Variants in PCDH15 observed in about 807,000 individuals in gnomAD.
PCDH15 encodes the protein protocadherin-15.
In PCDH15, 129 loss-of-function variants were observed where a neutral mutation model predicts 178.5. The observed-to-expected ratio is 0.72, with a 90% CI of 0.63 to 0.84. PCDH15 has a LOEUF of 0.84. Ranked by LOEUF, PCDH15 falls within the 40% of genes least tolerant of loss-of-function variation. The pLI, the probability that PCDH15 is intolerant of heterozygous loss-of-function variation, is 0.00. For synonymous variants in PCDH15, 800 were observed against 732.0 expected, an observed-to-expected ratio of 1.09 and a Z score of -1.50; for missense variants, 2,230 against 2,099.9, an observed-to-expected ratio of 1.06 and a Z score of -1.21.
intron 2 of PCDH15, among the ~76,000 whole-genome samples, chr10:54,574,122 A>T (rs1292466915): frequency 6.6e-5 from 10 of 151,556 alleles, no homozygotes; most frequent in Non-Finnish European, 1.3e-4. Flanking sequence ...CTGAATGGTA[A>T]TGCCTAGGTT....
chr10:55,573,733 T>A (rs974829928), intron 2 of PCDH15, among the ~76,000 whole-genome samples: 1 of 152,026 alleles, frequency 6.6e-6, no homozygotes, highest in African/African-American at 2.4e-5. Context: ...AAGGTATGCT[T>A]ACTGTTTTGA....
upstream of PCDH15, among the ~76,000 whole-genome samples, chr10:55,323,149 G>C (rs1843948489): frequency 6.6e-6 from 1 of 152,176 alleles, no homozygotes; most frequent in African/African-American, 2.4e-5. Context: ...TGCAGGTGCA[G>C]AGAAATCAAA....
At chr10:54,683,073 A>G (rs2094927888) in intron 1 of PCDH15, among the ~76,000 whole-genome samples, 1 of 152,168 alleles carries the variant, frequency 6.6e-6, no homozygotes, top group South Asian at 2.1e-4. Flanking sequence ...TTGAGGAACA[A>G]AATTCTGAGA....
intron 2 of PCDH15, among the ~76,000 whole-genome samples, chr10:54,912,160 G>A (rs1407426247): frequency 6.6e-6 from 1 of 151,726 alleles, no homozygotes; most frequent in African/African-American, 2.4e-5. Context: ...GACAAATTTT[G>A]AATATTTTCA....
At chr10:54,408,445 TATA>T (rs1263298488) in intron 3 of PCDH15, among the ~76,000 whole-genome samples, 4 of 152,074 alleles carry the variant, frequency 2.6e-5, no homozygotes, top group African/African-American at 7.2e-5. Context: ...ATAATTTGCC[TATA>T]ATATTTATCA....
rs867442574 is a variant in PCDH15 at position 55,567,734 on chromosome 10, A to G, written c.-156+59891T>C. On this transcript the variant is annotated intron_variant, in intron 2 of 5. Transcript: ENST00000613346. ...TAGGAAAATGCAAATAAAAACTACA[A>G]TGAGATTATTTTGTAGTTCATAAGC... is the stretch of plus-strand genomic sequence containing the variant. 4.1e-4 allele frequency among the ~76,000 whole-genome samples: 62 copies of G among 152,074 alleles called. 1 individual carries two copies. The highest frequency in any genetic ancestry group is 2.1e-4 in the Non-Finnish European group (14 of 67,964).
chr10:54,214,184 T>A, intron 9 of PCDH15, 136 bp from the exon 10 acceptor site: 2 of 609,118 alleles, frequency 3.3e-6, no homozygotes, highest in Non-Finnish European at 6.1e-6. Context: ...ATTATGCAGT[T>A]CAGGGAAAGC....
chr10:53,982,048 A>G (rs533917455), intron 21 of PCDH15, among the ~76,000 whole-genome samples: 1 of 152,354 alleles, frequency 6.6e-6, no homozygotes, highest in South Asian at 2.1e-4. Context: ...ATATTTATGC[A>G]GCCAAAAGAC....
At chr10:54,019,448 A>T (rs974327533) in intron 20 of PCDH15, among the ~76,000 whole-genome samples, 14 of 152,144 alleles carry the variant, frequency 9.2e-5, no homozygotes, top group Non-Finnish European at 1.5e-4. Context: ...CCCATGGGAC[A>T]GGTCCTTCTT....
chr10:54,990,134 C>T (rs11004659), intron 2 of PCDH15, among the ~76,000 whole-genome samples: 33,859 of 152,028 alleles, frequency 0.22, 4,078 homozygotes, highest in South Asian at 0.28. Flanking sequence ...TCTGGTATGC[C>T]TTTATCAGCA....
intron 3 of PCDH15, among the ~76,000 whole-genome samples, chr10:54,419,213 A>G (rs1589300299): frequency 6.7e-6 from 1 of 148,818 alleles, no homozygotes; most frequent in Admixed American, 6.8e-5. Flanking sequence ...CTAGATCTCT[A>G]GAATCCACAT....
intron 1 of PCDH15, among the ~76,000 whole-genome samples, chr10:55,303,093 A>G (rs1352678254): frequency 6.6e-6 from 1 of 151,988 alleles, no homozygotes. Flanking sequence ...TGAGATATAT[A>G]TATATATATA....
At chr10:54,400,881 T>TA (rs1161200187) in intron 3 of PCDH15, among the ~76,000 whole-genome samples, 2 of 151,918 alleles carry the variant, frequency 1.3e-5, no homozygotes, top group Non-Finnish European at 2.9e-5. Context: ...ATGTTTTACA[T>TA]AAAAAACAGT....
intron 26 of PCDH15, among the ~76,000 whole-genome samples, chr10:53,879,139 C>A (rs1300813387): frequency 1.3e-5 from 2 of 151,834 alleles, no homozygotes; most frequent in Non-Finnish European, 2.9e-5. Flanking sequence ...CTTAAACGTA[C>A]CTTTCACTTT....
At chr10:55,021,643 T>C (rs1325290940) in intron 2 of PCDH15, among the ~76,000 whole-genome samples, 1 of 152,222 alleles carries the variant, frequency 6.6e-6, no homozygotes, top group East Asian at 1.9e-4. Context: ...TATTCTTCTT[T>C]CAAAACAATA....
At chr10:54,437,284 A>G (rs1257696110) in intron 3 of PCDH15, among the ~76,000 whole-genome samples, 2 of 152,216 alleles carry the variant, frequency 1.3e-5, no homozygotes, top group African/African-American at 4.8e-5. Context: ...ACTAATTAAC[A>G]ACAATGGGAC....
chr10:54,451,174 G>T (rs1323708031), intron 3 of PCDH15, among the ~76,000 whole-genome samples: 5 of 151,748 alleles, frequency 3.3e-5, no homozygotes, highest in Non-Finnish European at 7.4e-5. Flanking sequence ...ATTAAATCAG[G>T]TGTGATAAAA....
intron 3 of PCDH15, among the ~76,000 whole-genome samples, chr10:54,411,704 T>C (rs191503383): frequency 3.3e-5 from 5 of 152,284 alleles, no homozygotes; most frequent in African/African-American, 4.8e-5. Flanking sequence ...TCAGTACTTT[T>C]GATATAAGAC....
chr10:54,856,303 C>A (rs536430914), intron 3 of PCDH15, among the ~76,000 whole-genome samples: 176 of 152,222 alleles, frequency 1.2e-3, no homozygotes, highest in South Asian at 4.4e-3. Flanking sequence ...GGAACTGGGG[C>A]AGAGGCTTCA....
Sources: gnomAD v4.1 joint callset for allele counts (sites outside exome capture counted in the v4.1 genomes callset) on GRCh38, gnomAD v4.1.1 for gene constraint, MANE v1.5 for transcripts, NCBI Gene and HGNC (gene_info 2026-07-23, HGNC 2026-07-21) for gene names.